The following ATR variants were observed in gnomAD, a reference collection of about 807,000 sequenced individuals.
ATR encodes the protein ATR checkpoint kinase, also known as serine/threonine-protein kinase ATR.
In ATR, 142 loss-of-function variants were observed where a neutral mutation model predicts 305.3. The ratio of observed to expected loss-of-function variants is 0.47; its 90% CI spans 0.41 to 0.53. ATR has a LOEUF of 0.53. Among genes scored for constraint, ATR ranks in the 20% least tolerant of loss-of-function variants. The pLI is 0.00. For missense variants in ATR, 2,135 were observed against 3,133.1 expected, an observed-to-expected ratio of 0.68 and a Z score of 7.60; for synonymous variants, 1,050 against 1,068.1, an observed-to-expected ratio of 0.98 and a Z score of 0.33.
chr3:142,451,448 A>G, intron 46 of ATR: 1 of 1,497,856 alleles, frequency 6.7e-7, no homozygotes, highest in Non-Finnish European at 9.0e-7. Context: ...AGCAAGTAAA[A>G]ATAGGAGACT....
chr3:142,495,569 C>A (rs2031536569), intron 34 of ATR, among the ~76,000 whole-genome samples: 1 of 151,844 alleles, frequency 6.6e-6, no homozygotes, highest in South Asian at 2.1e-4. Flanking sequence ...ACGGTGAAAC[C>A]CCATCTCTAC....
intron 13 of ATR, among the ~76,000 whole-genome samples, chr3:142,552,747 GTACATA>G (rs1258801806): frequency 6.6e-6 from 1 of 151,448 alleles, no homozygotes; most frequent in Non-Finnish European, 1.5e-5. Flanking sequence ...AGAAAATATG[GTACATA>G]TACACCATGG....
intron 8 of ATR, 40 bp from the exon 9 acceptor site, chr3:142,556,615 GTTAATT>G: frequency 6.3e-7 from 1 of 1,582,918 alleles, no homozygotes; most frequent in Non-Finnish European, 8.7e-7. Flanking sequence ...TTCTACTAAT[GTTAATT>G]TTATGTATAC....
intron 19 of ATR, among the ~76,000 whole-genome samples, chr3:142,537,368 C>G (rs1384045570): frequency 6.6e-6 from 1 of 152,018 alleles, no homozygotes; most frequent in Non-Finnish European, 1.5e-5. Context: ...TTGGCATGAG[C>G]CACCATGCCT....
intron 41 of ATR, among the ~76,000 whole-genome samples, chr3:142,462,713 C>T (rs1429249361): frequency 6.6e-6 from 1 of 152,176 alleles, no homozygotes; most frequent in African/African-American, 2.4e-5. Context: ...AGTGATCCGC[C>T]TGCCTCGGCC....
At chr3:142,535,226 G>A (rs2108425576) in intron 20 of ATR, 21 bp from the exon 21 acceptor site, 2 of 1,612,126 alleles carry the variant, frequency 1.2e-6, no homozygotes, top group Non-Finnish European at 8.5e-7. Context: ...AGCACAGAGA[G>A]ACAGAACTTA....
rs748634899 is a variant in ATR at position 142,561,364 on chromosome 3, C to T, written c.1228G>A (p.Glu410Lys). The change falls in exon 5 of 47, where the codon GAG becomes AAG. Residue 410 changes from glutamate (E) to lysine (K), a missense_variant. Around this residue, in one of 9 missense-constraint regions of ATR, gnomAD observed 744 missense variants for 873.2 expected, o/e 0.85. Transcript: ENST00000350721. ...LKMESMEIIEEIQCQTQQENL... is the reference protein window; with the variant it reads ...LKMESMEIIEKIQCQTQQENL... ...TCCTGTTGAGTTTGGCATTGAATCT[C>T]CTCAATGATTTCCATACTTTCCATT... 2 of 1,614,032 alleles carry T rather than the reference C, an allele frequency of 1.2e-6. No homozygotes were observed. The highest frequency in any genetic ancestry group is 1.7e-6 in the Non-Finnish European group (2 of 1,179,958).
In ATR at chr3:142,493,240, TGGGGTTTCATTTTCA is replaced by T. The variant is rs771298972; in HGVS notation, c.5955_5969del (p.Glu1986_Pro1990del). On this transcript the variant is annotated inframe_deletion, in exon 35 of 47. Coordinates refer to ENST00000350721, the MANE Select transcript of ATR (RefSeq NM_001184.4). ...GGATTAACATGTTCTTACCCTCAGG[TGGGGTTTCATTTTCA>T]GGAAAACATAATTCAACACCTTTTT... 103 of 1,613,898 alleles carry T rather than the reference TGGGGTTTCATTTTCA, an allele frequency of 6.4e-5. No homozygotes were observed. Among genetic ancestry groups the T allele is most frequent in the South Asian group, 2.6e-4 (24 of 91,062 alleles).
chr3:142,559,712 G>A (rs1012208277), intron 6 of ATR, among the ~76,000 whole-genome samples: 6 of 151,982 alleles, frequency 3.9e-5, no homozygotes, highest in South Asian at 4.1e-4. Context: ...GAGACCAGCC[G>A]GGCCAATATA....
At chr3:142,571,021 C>A (rs68065420) in intron 1 of ATR, among the ~76,000 whole-genome samples, 26,354 of 152,088 alleles carry the variant, frequency 0.17, 2,483 homozygotes, top group East Asian at 0.28. Context: ...AAAAGACAAT[C>A]CTTGGACAGG....
intron 1 of ATR, among the ~76,000 whole-genome samples, chr3:142,573,992 T>C (rs557233638): frequency 1.3e-5 from 2 of 152,196 alleles, no homozygotes; most frequent in South Asian, 4.1e-4. Flanking sequence ...CAAGTATCAT[T>C]TAAAAATGTG....
intron 36 of ATR, among the ~76,000 whole-genome samples, chr3:142,476,626 T>C (rs995561539): frequency 8.5e-5 from 13 of 152,202 alleles, no homozygotes; most frequent in African/African-American, 3.1e-4. Flanking sequence ...TCCAATTCTG[T>C]GAAGAAAGTC....
intron 7 of ATR, 108 bp from the exon 8 acceptor site, chr3:142,558,884 C>A: frequency 8.6e-7 from 1 of 1,165,802 alleles, no homozygotes; most frequent in Non-Finnish European, 1.2e-6. Context: ...ATTGGATAAG[C>A]AGAAATTCTT....
At chr3:142,521,526 A>G (rs1296266092) in intron 23 of ATR, among the ~76,000 whole-genome samples, 1 of 152,246 alleles carries the variant, frequency 6.6e-6, no homozygotes, top group Non-Finnish European at 1.5e-5. Flanking sequence ...AACCTTCTGG[A>G]AAGAATTCAC....
At chr3:142,491,917 A>G (rs555091670) in intron 35 of ATR, among the ~76,000 whole-genome samples, 1 of 152,196 alleles carries the variant, frequency 6.6e-6, no homozygotes, top group Admixed American at 6.5e-5. Flanking sequence ...AAATCCTGTC[A>G]TTTCTAGAAC....
At chr3:142,459,792 C>T (rs1439612949) in intron 42 of ATR, among the ~76,000 whole-genome samples, 1 of 151,814 alleles carries the variant, frequency 6.6e-6, no homozygotes, top group African/African-American at 2.4e-5. Flanking sequence ...AAGCAATCCT[C>T]CAGATAAGGA....
intron 28 of ATR, among the ~76,000 whole-genome samples, chr3:142,506,423 G>A (rs369070784): frequency 2.6e-5 from 4 of 152,348 alleles, no homozygotes; most frequent in East Asian, 1.9e-4. Flanking sequence ...GCCAGGCACA[G>A]TGGCTCATGC....
rs753261168 is a variant in ATR at position 142,547,744 on chromosome 3, A to C, written c.3338T>G (p.Ile1113Ser). The C allele has an allele frequency of 1.9e-6, 3 of 1,613,914 alleles. No individual in the cohort carries two copies. In the African/African-American group the frequency reaches 4.0e-5, roughly 22 times the overall value. The change falls in exon 16 of 47, where the codon ATC becomes AGC. Residue 1113 changes from isoleucine to serine, a missense_variant. Physicochemically the swap from Ile to Ser is moderately radical, Grantham distance 142. Around this residue, in one of 9 missense-constraint regions of ATR, gnomAD observed 530 missense variants for 766.8 expected, o/e 0.69. Transcript: ENST00000350721. ...SDDPYQGPRD[I>S]ISPELMADYL... ...CCTTACCATCAGTTCAGGTGATATG[A>C]TATCTCTCGGGCCCTGATATGGATC...
intron 36 of ATR, among the ~76,000 whole-genome samples, chr3:142,474,450 C>T (rs1249596517): frequency 1.3e-5 from 2 of 151,738 alleles, no homozygotes; most frequent in African/African-American, 2.4e-5. Context: ...GGTCTTTTGC[C>T]TTGTATTTAT....
Sources: allele counts gnomAD v4.1 joint callset (sites outside exome capture counted in the v4.1 genomes callset), GRCh38; gene constraint gnomAD v4.1.1; regional missense constraint gnomAD v4.1.1; transcripts MANE v1.5; gene names NCBI Gene and HGNC (gene_info 2026-07-23, HGNC 2026-07-21).